ZNF462: variants seen among roughly 807,000 people sequenced by gnomAD.
ZNF462 encodes the protein zinc finger PBX1-interacting protein.
Under a neutral mutation model 201.9 loss-of-function variants are expected in ZNF462, and 10 were observed. The observed-to-expected ratio is 0.05, with a 90% CI of 0.03 to 0.08. ZNF462 has a LOEUF of 0.08. Among genes scored for constraint, ZNF462 ranks in the 10% least tolerant of loss-of-function variants. The probability of loss-of-function intolerance (pLI) is 1.00; values close to 1 mark genes in which losing one functional copy is unlikely to be tolerated. For synonymous variants in ZNF462, 1,227 were observed against 1,193.3 expected (o/e 1.03, Z -0.58); for missense variants, 2,523 against 3,168.3 (o/e 0.80, Z 4.89).
chr9:106,890,519 C>T lies in ZNF462; in HGVS notation c.-31+27164C>T, dbSNP rs1386337274. Among the ~76,000 whole-genome samples, 1 of 152,186 alleles carries T rather than the reference C, an allele frequency of 6.6e-6. No individual in the cohort carries two copies. The highest frequency in any genetic ancestry group is 1.5e-5 in the Non-Finnish European group (1 of 68,034). On this transcript the variant is annotated intron_variant, in intron 1 of 12. Coordinates refer to ENST00000277225, the MANE Select transcript of ZNF462 (RefSeq NM_021224.6). The surrounding 1 kb of genome is among the most constrained non-coding windows in gnomAD (Gnocchi z 4.2). Reference sequence around the variant, plus strand: ...CTCTGTGTCCACAAACATGGTTTTACACTTGGATGATGTAGTTAGGCTCAA... The same window carrying T: ...CTCTGTGTCCACAAACATGGTTTTATACTTGGATGATGTAGTTAGGCTCAA...
At position 106,963,856 on chromosome 9, in the gene ZNF462, A is replaced by G. The variant is rs984591575; in HGVS notation, c.6428-8149A>G. 6.6e-6 allele frequency among the ~76,000 whole-genome samples: 1 copy of G among 151,942 alleles called. No homozygotes were observed. The highest frequency in any genetic ancestry group is 1.5e-5 in the Non-Finnish European group (1 of 67,940). ...AACAACTCTCCACTTCCTTCTACCC[A>G]CAGCCCCTGGCAACCACCATTCTAC... On this transcript the variant is annotated intron_variant, in intron 7 of 12. Coordinates refer to ENST00000277225, the MANE Select transcript of ZNF462 (RefSeq NM_021224.6). The surrounding 1 kb of genome is among the most constrained non-coding windows in gnomAD (Gnocchi z 4.7).
chr9:106,957,629 A>G (rs1444301474), intron 7 of ZNF462, among the ~76,000 whole-genome samples: 2 of 152,180 alleles, frequency 1.3e-5, no homozygotes, highest in South Asian at 2.1e-4. Flanking sequence ...ATAAAAAGCT[A>G]AGACATCCAG....
At position 106,929,419 on chromosome 9, in the gene ZNF462, G is replaced by T; in HGVS notation, c.5507G>T (p.Gly1836Val). 6.2e-7 allele frequency: 1 copy of T among 1,614,098 alleles called. No individual in the cohort carries two copies. Among genetic ancestry groups the T allele is most frequent in the African/African-American group, 1.3e-5 (1 of 75,038 alleles). The change falls in exon 3 of 13, where the codon GGT becomes GTT. Residue 1836 changes from glycine to valine, a missense_variant. Transcript: ENST00000277225. This position sits in a 1 kb window ranked among gnomAD's most constrained non-coding sequence, Gnocchi z 8.7. ...AACTTTGAGAAAGCCGAGGTGGAGG[G>T]TGAAGCTCAGGAAATCGAGTGGCTC... Reference protein sequence around the residue: ...RGNFEKAEVEGEAQEIEWLPF... With the variant: ...RGNFEKAEVEVEAQEIEWLPF...
rs1022466443 is a variant in ZNF462, at chr9:106,910,366, T to A, written c.-30-12988T>A. ...CGTCCTCCACCCCTTGTTTTAGTTT[T>A]TTTTTTTTTTTTTTTTTTTTAATAA... On this transcript the variant is annotated intron_variant, in intron 1 of 12. Transcript: ENST00000277225. Among the ~76,000 whole-genome samples, 129 of 145,928 alleles carry A rather than the reference T, an allele frequency of 8.8e-4. 2 individuals are homozygous for A. The South Asian group carries it at 0.027, about 31-fold the overall frequency.
Position 106,883,002 on chromosome 9 carries a change from A to G in ZNF462, c.-31+19647A>G, listed in dbSNP as rs1403504371. On this transcript the variant is annotated intron_variant, in intron 1 of 12. Transcript: ENST00000277225. The surrounding 1 kb of genome is among the most constrained non-coding windows in gnomAD (Gnocchi z 4.9). ...TAGTCATGTTCTTTGAAGATGGTCA[A>G]GCAGATTCAGAAAACATCCTTCTTC... Among the ~76,000 whole-genome samples, 3 of 152,244 alleles carry G rather than the reference A, an allele frequency of 2.0e-5. No homozygotes were observed. The highest frequency in any genetic ancestry group is 2.4e-5 in the African/African-American group (1 of 41,472).
At chr9:106,956,512 A>G (rs894289082) in intron 7 of ZNF462, among the ~76,000 whole-genome samples, 5 of 152,112 alleles carry the variant, frequency 3.3e-5, no homozygotes, top group Non-Finnish European at 7.4e-5. Context: ...TGTCAACATA[A>G]AGTCACCAGC....
chr9:106,979,198 TC>T (rs1255067431), intron 9 of ZNF462: 1 of 154,268 alleles, frequency 6.5e-6, no homozygotes, highest in Admixed American at 6.5e-5. Context: ...GTGGGGACAT[TC>T]CCTTTGCTGG....
chr9:106,924,022 C>T lies in ZNF462; in HGVS notation c.221-111C>T, dbSNP rs984142590. The T allele has an allele frequency of 3.2e-6, 3 of 942,968 alleles. No individual in the cohort carries two copies. The African/African-American group carries it at 5.0e-5, about 16-fold the overall frequency. 58.4% of individuals were successfully genotyped at this position (942,968 alleles called of 1,614,324 possible). A position where few individuals can be genotyped will look rare whatever the true frequency, so the allele number is the denominator to read the frequency against. On this transcript the variant is annotated intron_variant, in intron 2 of 12. Coordinates refer to ENST00000277225, the MANE Select transcript of ZNF462 (RefSeq NM_021224.6). The surrounding 1 kb of genome is among the most constrained non-coding windows in gnomAD (Gnocchi z 6.2). ...AAGGCCTCATCTTGAGACTTCAGGC[C>T]TTTTGCATGTGATGTTTAGTAATGA... is the stretch of plus-strand genomic sequence containing the variant.
In ZNF462 at chr9:106,917,180, A is replaced by G. The variant is rs139828622; in HGVS notation, c.-30-6174A>G. ...GGTCACTCAGCCGGAATGACTTCTT[A>G]TTTACATATCCAACATTTTTAGCCA... On this transcript the variant is annotated intron_variant, in intron 1 of 12. Coordinates refer to ENST00000277225, the MANE Select transcript of ZNF462 (RefSeq NM_021224.6). The surrounding 1 kb of genome is among the most constrained non-coding windows in gnomAD (Gnocchi z 4.5). Among the ~76,000 whole-genome samples the G allele has an allele frequency of 3.3e-3, 505 of 152,318 alleles. 2 individuals are homozygous for G. Among genetic ancestry groups the G allele is most frequent in the African/African-American group, 0.012 (481 of 41,560 alleles).
At position 107,013,601 on chromosome 9, in the gene ZNF462, G is replaced by A. The variant is rs79362723; in HGVS notation, c.*2571G>A. 1,265 of 152,254 alleles carry A rather than the reference G, an allele frequency of 8.3e-3. 9 individuals are homozygous for A. Among genetic ancestry groups the A allele is most frequent in the African/African-American group, 0.026 (1,079 of 41,562 alleles). 9.4% of individuals were successfully genotyped at this position (152,254 alleles called of 1,614,324 possible). ...TGCAACATACATTTTGTAATGAAATGTGAGAAATTAATAAAGAATTTTTTT... is the reference window on the plus strand; with the variant it reads ...TGCAACATACATTTTGTAATGAAATATGAGAAATTAATAAAGAATTTTTTT... On this transcript the variant is annotated 3_prime_UTR_variant, in exon 13 of 13. Transcript: ENST00000277225.
intron 5 of ZNF462, among the ~76,000 whole-genome samples, chr9:106,934,393 T>C (rs147452253): frequency 7.7e-4 from 117 of 151,928 alleles, no homozygotes; most frequent in African/African-American, 2.6e-3. Flanking sequence ...ATTGAAGGAA[T>C]GGATTTGCCT....
intron 1 of ZNF462, among the ~76,000 whole-genome samples, chr9:106,912,904 T>G (rs979420650): frequency 6.6e-6 from 1 of 152,226 alleles, no homozygotes; most frequent in Non-Finnish European, 1.5e-5. Flanking sequence ...CTCCCTCCAC[T>G]GAAAATGTTT....
intron 1 of ZNF462, among the ~76,000 whole-genome samples, chr9:106,896,489 C>T (rs561063420): frequency 6.6e-6 from 1 of 152,194 alleles, no homozygotes; most frequent in South Asian, 2.1e-4. Context: ...ATCTCGGTTG[C>T]AGGATGAGGT....
intron 6 of ZNF462, among the ~76,000 whole-genome samples, chr9:106,936,055 G>C (rs1830617611): frequency 6.6e-6 from 1 of 152,216 alleles, no homozygotes; most frequent in South Asian, 2.1e-4. Flanking sequence ...TTTTTCAAGA[G>C]ATACCCTTAG....
chr9:106,889,384 T>C (rs1052750131), intron 1 of ZNF462, among the ~76,000 whole-genome samples: 1 of 152,176 alleles, frequency 6.6e-6, no homozygotes, highest in Non-Finnish European at 1.5e-5. Flanking sequence ...TGCTGTCTTG[T>C]GGATTTGAAA....
intron 1 of ZNF462, among the ~76,000 whole-genome samples, chr9:106,888,041 A>AT (rs11290404): frequency 0.03 from 4,090 of 136,190 alleles, 96 homozygotes; most frequent in East Asian, 0.064. Flanking sequence ...GTAAATGTGG[A>AT]TTTTTTTTTT....
chr9:106,892,727 T>C (rs555855728), intron 1 of ZNF462, among the ~76,000 whole-genome samples: 19 of 148,358 alleles, frequency 1.3e-4, no homozygotes, highest in Non-Finnish European at 2.2e-4. Flanking sequence ...CACACACACA[T>C]GTTATGCATA....
intron 6 of ZNF462, among the ~76,000 whole-genome samples, chr9:106,937,404 G>A (rs1224001038): frequency 6.6e-6 from 1 of 152,128 alleles, no homozygotes; most frequent in African/African-American, 2.4e-5. Context: ...GACAAAGAAT[G>A]ATCTTCCAAT....
At chr9:106,943,928 C>T (rs1373116654) in intron 7 of ZNF462, among the ~76,000 whole-genome samples, 1 of 152,166 alleles carries the variant, frequency 6.6e-6, no homozygotes, top group Admixed American at 6.6e-5. Context: ...AATGCTCTAA[C>T]ATTAATTCTC....
Sources: gnomAD v4.1 joint callset for allele counts (sites outside exome capture counted in the v4.1 genomes callset) on GRCh38, gnomAD v4.1.1 for gene constraint, Gnocchi (gnomAD v3.1) non-coding constraint, MANE v1.5 for transcripts, NCBI Gene and HGNC (gene_info 2026-07-23, HGNC 2026-07-21) for gene names.